The following ABLIM2 variants were observed in gnomAD, a reference collection of about 807,000 sequenced individuals.
ABLIM2 encodes the protein actin binding LIM protein family member 2, also known as actin-binding LIM protein 2.
ABLIM2 carries 53 observed loss-of-function variants against 97.7 expected under a neutral mutation model. That is an observed-to-expected ratio of 0.54 (90% confidence interval 0.44 to 0.68). The LOEUF (loss-of-function observed/expected upper bound fraction) is 0.68, where lower values mean the gene tolerates loss of function less well. Ranked by LOEUF, ABLIM2 falls within the 30% of genes least tolerant of loss-of-function variation. The pLI is 0.00. For synonymous variants in ABLIM2, 361 were observed against 345.8 expected, an observed-to-expected ratio of 1.04 and a Z score of -0.49; for missense variants, 835 against 867.2, an observed-to-expected ratio of 0.96 and a Z score of 0.47.
intron 1 of ABLIM2, among the ~76,000 whole-genome samples, chr4:8,115,687 C>T (rs919057334): frequency 1.3e-5 from 2 of 152,206 alleles, no homozygotes; most frequent in Admixed American, 6.5e-5. Flanking sequence ...TCACAACAAC[C>T]GTTCTTACAT....
chr4:8,044,144 T>A lies in ABLIM2; in HGVS notation c.900+1020A>T, dbSNP rs1006725309. On this transcript the variant is annotated intron_variant, in intron 9 of 20. Transcript: ENST00000447017. This position sits in a 1 kb window ranked among gnomAD's most constrained non-coding sequence, Gnocchi z 4.4. Reference sequence around the variant, plus strand: ...GAAGCACAGCAGACAGCAGATCCAATAAACTGTCTTAAAGTTCTGGAGCCT... The same window carrying A: ...GAAGCACAGCAGACAGCAGATCCAAAAAACTGTCTTAAAGTTCTGGAGCCT... Among the ~76,000 whole-genome samples the A allele has an allele frequency of 1.3e-5, 2 of 152,182 alleles. No individual in the cohort carries two copies. The highest frequency in any genetic ancestry group is 2.9e-5 in the Non-Finnish European group (2 of 68,030).
chr4:8,145,269 C>T (rs910144570), intron 1 of ABLIM2, among the ~76,000 whole-genome samples: 5 of 151,650 alleles, frequency 3.3e-5, no homozygotes, highest in African/African-American at 9.7e-5. Flanking sequence ...CTGCAATCTT[C>T]GCCTCCCAGA....
chr4:8,133,990 G>T (rs1272549239), intron 1 of ABLIM2, among the ~76,000 whole-genome samples: 1 of 152,190 alleles, frequency 6.6e-6, no homozygotes, highest in East Asian at 1.9e-4. Context: ...GGTTGCAGGG[G>T]GGGGTGACGA....
intron 12 of ABLIM2, among the ~76,000 whole-genome samples, chr4:8,025,082 C>T (rs1023188867): frequency 1.3e-5 from 2 of 152,198 alleles, no homozygotes; most frequent in Non-Finnish European, 2.9e-5. Context: ...GGTGCGCCAC[C>T]ACACCCGGCT....
In ABLIM2 at chr4:8,106,610, G is replaced by A. The variant is rs371949822; in HGVS notation, c.38C>T (p.Pro13Leu). ...AVSQPQAAPSPLEKSPSTAIL... is the reference protein window; with the variant it reads ...AVSQPQAAPSLLEKSPSTAIL... Reference sequence around the variant, plus strand: ...CGCCGTGCTGGGCGACTTCTCCAGCGGGCTGGGAGCAGCCTGGGGCTGCGA... The same window carrying A: ...CGCCGTGCTGGGCGACTTCTCCAGCAGGCTGGGAGCAGCCTGGGGCTGCGA... The change falls in exon 2 of 21, where the codon CCG (proline) becomes CTG (leucine). Residue 13 changes from proline to leucine, a missense_variant. Coordinates refer to ENST00000447017, the MANE Select transcript of ABLIM2 (RefSeq NM_001130083.2). The A allele has an allele frequency of 4.0e-5, 64 of 1,611,858 alleles. No homozygotes were observed. The highest frequency in any genetic ancestry group is 6.7e-5 in the East Asian group (3 of 44,862).
chr4:8,097,314 G>T (rs1024639003), intron 2 of ABLIM2, 32 bp from the exon 3 acceptor site: 3 of 1,548,596 alleles, frequency 1.9e-6, no homozygotes, highest in Non-Finnish European at 2.6e-6. Flanking sequence ...GGCGTTAGCG[G>T]CAGAGGGGAC....
chr4:7,973,986 T>C (rs1730488870), intron 20 of ABLIM2, among the ~76,000 whole-genome samples: 1 of 152,226 alleles, frequency 6.6e-6, no homozygotes. Context: ...TGAAGTCTGT[T>C]GGCAGCCTGA....
intron 2 of ABLIM2, among the ~76,000 whole-genome samples, chr4:8,099,034 G>T (rs576389545): frequency 6.6e-6 from 1 of 152,352 alleles, no homozygotes; most frequent in South Asian, 2.1e-4. Context: ...AAACAGCCAA[G>T]GACTCCCAGC....
intron 1 of ABLIM2, among the ~76,000 whole-genome samples, chr4:8,146,722 A>C (rs1319628531): frequency 2.6e-5 from 4 of 152,076 alleles, no homozygotes; most frequent in Middle Eastern, 3.4e-3. Context: ...TAGAGGCGGG[A>C]TCTCACTATG....
chr4:8,065,413 G>T (rs1248758138), intron 6 of ABLIM2, among the ~76,000 whole-genome samples: 3 of 152,188 alleles, frequency 2.0e-5, no homozygotes, highest in Non-Finnish European at 4.4e-5. Context: ...ACCCATGAGG[G>T]TAGCTACAAT....
intron 1 of ABLIM2, among the ~76,000 whole-genome samples, chr4:8,135,898 C>T (rs1039498596): frequency 1.3e-5 from 2 of 152,154 alleles, no homozygotes; most frequent in African/African-American, 2.4e-5. Context: ...TAAAGCAGCT[C>T]GTGGAAAGTG....
Position 8,148,339 on chromosome 4 carries a change from T to C in ABLIM2, c.10+10341A>G, listed in dbSNP as rs1214954082. ...GCAGCACTGTGGGCCTGCGGAGGCCTCCCCACTGGATTCCAGAGGGGGCTC... is the reference window on the plus strand; with the variant it reads ...GCAGCACTGTGGGCCTGCGGAGGCCCCCCCACTGGATTCCAGAGGGGGCTC... On this transcript the variant is annotated intron_variant, in intron 1 of 20. Coordinates refer to ENST00000447017, the MANE Select transcript of ABLIM2 (RefSeq NM_001130083.2). This position sits in a 1 kb window ranked among gnomAD's most constrained non-coding sequence, Gnocchi z 6.7. Among the ~76,000 whole-genome samples the C allele has an allele frequency of 2.0e-5, 3 of 152,034 alleles. No homozygotes were observed. The highest frequency in any genetic ancestry group is 4.8e-5 in the African/African-American group (2 of 41,388).
At chr4:8,143,054 C>T (rs1041933676) in intron 1 of ABLIM2, among the ~76,000 whole-genome samples, 1 of 151,728 alleles carries the variant, frequency 6.6e-6, no homozygotes, top group Non-Finnish European at 1.5e-5. Context: ...TCCCTTGACC[C>T]TGGCAATACC....
chr4:7,970,683 T>G lies in ABLIM2; in HGVS notation c.1825-3580A>C, dbSNP rs565414759. 2.4e-4 allele frequency among the ~76,000 whole-genome samples: 36 copies of G among 147,970 alleles called. No individual in the cohort carries two copies. Among genetic ancestry groups the G allele is most frequent in the Non-Finnish European group, 4.0e-4 (27 of 66,856 alleles). On this transcript the variant is annotated intron_variant, in intron 20 of 20. Transcript: ENST00000447017. The surrounding 1 kb of genome is among the most constrained non-coding windows in gnomAD (Gnocchi z 5.3). ...GCAGAGGTGCCCTTGGGGATGACTG[T>G]GGGGGGGCGGTGGAGGGAGCATCTG... is the stretch of plus-strand genomic sequence containing the variant.
In ABLIM2 at chr4:8,005,761, T is replaced by C. The variant is rs1230212600; in HGVS notation, c.1618+2298A>G. ...AATCAGAATGGTTAGACACAGCGGGTTTCCTGCTCAGAGGAAGTGGATGTT... is the reference window on the plus strand; with the variant it reads ...AATCAGAATGGTTAGACACAGCGGGCTTCCTGCTCAGAGGAAGTGGATGTT... On this transcript the variant is annotated intron_variant, in intron 16 of 20. Transcript: ENST00000447017. The surrounding 1 kb of genome is among the most constrained non-coding windows in gnomAD (Gnocchi z 4.9). Among the ~76,000 whole-genome samples the C allele has an allele frequency of 6.6e-6, 1 of 152,160 alleles. No homozygotes were observed. Among genetic ancestry groups the C allele is most frequent in the Non-Finnish European group, 1.5e-5 (1 of 68,028 alleles).
intron 1 of ABLIM2, among the ~76,000 whole-genome samples, chr4:8,141,881 TGAGTA>T (rs1851035407): frequency 6.6e-6 from 1 of 152,198 alleles, no homozygotes; most frequent in African/African-American, 2.4e-5. Flanking sequence ...GCCTGCACTT[TGAGTA>T]GAGAGCGAAT....
rs559267384 is a variant in ABLIM2, at chr4:8,123,449, C to A, written c.11-16812G>T. Among the ~76,000 whole-genome samples, 1 of 152,300 alleles carries A rather than the reference C, an allele frequency of 6.6e-6. No individual in the cohort carries two copies. Among genetic ancestry groups the A allele is most frequent in the African/African-American group, 2.4e-5 (1 of 41,578 alleles). On this transcript the variant is annotated intron_variant, in intron 1 of 20. Coordinates refer to ENST00000447017, the MANE Select transcript of ABLIM2 (RefSeq NM_001130083.2). This position sits in a 1 kb window ranked among gnomAD's most constrained non-coding sequence, Gnocchi z 6.2. ...TTCTGCCTGTCTGCCCTCCCGTCTCCCCCTCAAATTCCTGACCCTTCTCAT... is the reference window on the plus strand; with the variant it reads ...TTCTGCCTGTCTGCCCTCCCGTCTCACCCTCAAATTCCTGACCCTTCTCAT...
intron 14 of ABLIM2, among the ~76,000 whole-genome samples, chr4:8,016,933 C>T (rs969566388): frequency 6.6e-6 from 1 of 152,238 alleles, no homozygotes; most frequent in Admixed American, 6.5e-5. Flanking sequence ...TGGCTTGCCA[C>T]AGCCATGCAT....
chr4:8,156,914 G>T (rs575097108), intron 1 of ABLIM2, among the ~76,000 whole-genome samples: 1 of 152,212 alleles, frequency 6.6e-6, no homozygotes, highest in Non-Finnish European at 1.5e-5. Flanking sequence ...GGGCAGGGGC[G>T]ACAGGTGGCC....
Sources: gnomAD v4.1 joint callset for allele counts (sites outside exome capture counted in the v4.1 genomes callset) on GRCh38, gnomAD v4.1.1 for gene constraint, Gnocchi (gnomAD v3.1) non-coding constraint, MANE v1.5 for transcripts, NCBI Gene and HGNC (gene_info 2026-07-23, HGNC 2026-07-21) for gene names.